FTO: variants seen among roughly 807,000 people sequenced by gnomAD.
The protein encoded by FTO is alpha-ketoglutarate-dependent dioxygenase FTO.
Under a neutral mutation model 63.9 loss-of-function variants are expected in FTO, and 47 were observed. That is an observed-to-expected ratio of 0.74 (90% CI 0.58 to 0.94). The LOEUF is 0.94. Among genes scored for constraint, FTO ranks in the 40% least tolerant of loss-of-function variants. The probability of loss-of-function intolerance (pLI) is 0.00; values close to 1 mark genes in which losing one functional copy is unlikely to be tolerated. For missense variants in FTO, 562 were observed against 618.1 expected (o/e 0.91, Z 0.96); for synonymous variants, 207 against 224.4 (o/e 0.92, Z 0.69).
At chr16:53,959,734 C>G (rs778376283) in intron 8 of FTO, among the ~76,000 whole-genome samples, 5 of 151,936 alleles carry the variant, frequency 3.3e-5, no homozygotes, top group Non-Finnish European at 7.4e-5. Flanking sequence ...TCAAACTACC[C>G]CAGCCTAATT....
At chr16:54,033,715 G>C (rs1599243994) in intron 8 of FTO, among the ~76,000 whole-genome samples, 1 of 152,156 alleles carries the variant, frequency 6.6e-6, no homozygotes, top group Non-Finnish European at 1.5e-5. Context: ...TATATGGGAG[G>C]CTGAGGTAGG....
chr16:54,041,311 G>C (rs1382653353), intron 8 of FTO, among the ~76,000 whole-genome samples: 1 of 152,078 alleles, frequency 6.6e-6, no homozygotes, highest in Admixed American at 6.5e-5. Flanking sequence ...ATCAGATCTC[G>C]TGAGAACTCC....
At chr16:54,005,917 A>G (rs1413227315) in intron 8 of FTO, among the ~76,000 whole-genome samples, 1 of 152,184 alleles carries the variant, frequency 6.6e-6, no homozygotes, top group East Asian at 1.9e-4. Flanking sequence ...AGTATCCTAG[A>G]AATGTTTTTT....
At chr16:54,110,143 G>A (rs2086848937) in intron 8 of FTO, among the ~76,000 whole-genome samples, 1 of 152,118 alleles carries the variant, frequency 6.6e-6, no homozygotes, top group Non-Finnish European at 1.5e-5. Context: ...TCAGAACAAC[G>A]ACAGCAAGCG....
chr16:54,112,039 A>C lies in FTO; in HGVS notation c.*124A>C, dbSNP rs772336830. 4.1e-6 allele frequency: 4 copies of C among 967,252 alleles called. No individual in the cohort carries two copies. Among genetic ancestry groups the C allele is most frequent in the Non-Finnish European group, 6.6e-6 (4 of 605,650 alleles). The allele number at this position is 967,252 out of a possible 1,614,324, so 59.9% of individuals were successfully genotyped here. ...CCCTAGATTGTAGCACCCGGGTCCC[A>C]ATCCAAAACAGCTAGGAAATGGTGC... is the stretch of plus-strand genomic sequence containing the variant. On this transcript the variant is annotated 3_prime_UTR_variant, in exon 9 of 9. Transcript: ENST00000471389.
intron 1 of FTO, among the ~76,000 whole-genome samples, chr16:53,728,764 CTTTTTTT>C (rs368270837): frequency 1.5e-5 from 2 of 133,914 alleles, no homozygotes; most frequent in African/African-American, 5.6e-5. Context: ...GACCATACTT[CTTTTTTT>C]TTTTTTTTTG....
chr16:54,012,358 T>G (rs1215128847), intron 8 of FTO, among the ~76,000 whole-genome samples: 1 of 152,102 alleles, frequency 6.6e-6, no homozygotes, highest in Non-Finnish European at 1.5e-5. Flanking sequence ...AGAAGAAAAG[T>G]TGAAAGGTAG....
At chr16:53,711,696 C>G (rs954957351) in intron 1 of FTO, among the ~76,000 whole-genome samples, 11 of 152,128 alleles carry the variant, frequency 7.2e-5, no homozygotes, top group African/African-American at 2.7e-4. Context: ...GACTCTTATG[C>G]TGGCTTAGGT....
At chr16:53,707,778 T>C (rs369348516) in intron 1 of FTO, among the ~76,000 whole-genome samples, 2 of 152,354 alleles carry the variant, frequency 1.3e-5, no homozygotes, top group African/African-American at 4.8e-5. Context: ...TAGGACTCAA[T>C]GGTTGGTAGC....
intron 1 of FTO, among the ~76,000 whole-genome samples, chr16:53,799,753 C>T (rs1054605609): frequency 5.9e-5 from 9 of 152,130 alleles, no homozygotes; most frequent in Non-Finnish European, 1.3e-4. Context: ...GGTACATGCC[C>T]GGTTTAGCCT....
chr16:53,991,560 A>T (rs1011601436), intron 8 of FTO: 2 of 152,188 alleles, frequency 1.3e-5, no homozygotes, highest in Non-Finnish European at 2.9e-5. Flanking sequence ...AACAGCTTTA[A>T]CACAATTTTT....
intron 1 of FTO, among the ~76,000 whole-genome samples, chr16:53,731,783 T>C: frequency 6.7e-6 from 1 of 148,958 alleles, no homozygotes; most frequent in Non-Finnish European, 1.5e-5. Flanking sequence ...AGTCTCCCTC[T>C]TTTGCCCAGG....
At position 53,867,527 on chromosome 16, in the gene FTO, GTT is replaced by G. The variant is rs1491394367; in HGVS notation, c.896-6257_896-6256del. Among the ~76,000 whole-genome samples the G allele has an allele frequency of 9.1e-4, 137 of 149,966 alleles. 1 individual carries two copies. Among genetic ancestry groups the G allele is most frequent in the Non-Finnish European group, 1.6e-3 (109 of 67,434 alleles). ...TGTGTGTGTGTGTGTGTGTGTGTGTGTTTGTGTGTACCTATGTATGCTTATTT... is the reference window on the plus strand; with the variant it reads ...TGTGTGTGTGTGTGTGTGTGTGTGTGTGTGTGTACCTATGTATGCTTATTT... On this transcript the variant is annotated intron_variant, in intron 4 of 8. Transcript: ENST00000471389.
At chr16:53,877,585 G>C (rs1287182197) in intron 5 of FTO, among the ~76,000 whole-genome samples, 2 of 152,026 alleles carry the variant, frequency 1.3e-5, no homozygotes, top group African/African-American at 2.4e-5. Flanking sequence ...AATGGCACAG[G>C]GTTTCTTTTT....
At chr16:53,892,956 T>G (rs1249484311) in intron 7 of FTO, among the ~76,000 whole-genome samples, 1 of 152,190 alleles carries the variant, frequency 6.6e-6, no homozygotes, top group Non-Finnish European at 1.5e-5. Context: ...GTCAGCTGTC[T>G]CTAAAACTCC....
intron 8 of FTO, among the ~76,000 whole-genome samples, chr16:53,986,218 A>C (rs1477177060): frequency 1.3e-5 from 2 of 152,218 alleles, no homozygotes; most frequent in African/African-American, 4.8e-5. Context: ...ATGACCACCA[A>C]ACGCCTGAAA....
intron 1 of FTO, among the ~76,000 whole-genome samples, chr16:53,807,050 T>C (rs1319597580): frequency 6.6e-6 from 1 of 152,234 alleles, no homozygotes; most frequent in East Asian, 1.9e-4. Flanking sequence ...GAGCTACCAA[T>C]TTACTATTGA....
At chr16:53,820,843 G>A (rs2151762054) in intron 2 of FTO, among the ~76,000 whole-genome samples, 1 of 152,318 alleles carries the variant, frequency 6.6e-6, no homozygotes, top group East Asian at 1.9e-4. Context: ...CCATCCAGGT[G>A]TGGAGTTGGG....
At chr16:53,842,076 A>G (rs1031589897) in intron 3 of FTO, among the ~76,000 whole-genome samples, 9 of 152,202 alleles carry the variant, frequency 5.9e-5, no homozygotes, top group African/African-American at 2.2e-4. Context: ...ATCTAGCACA[A>G]GGACTGTGAA....
Sources: gnomAD v4.1 joint callset for allele counts (sites outside exome capture counted in the v4.1 genomes callset) on GRCh38, gnomAD v4.1.1 for gene constraint, MANE v1.5 for transcripts, NCBI Gene and HGNC (gene_info 2026-07-23, HGNC 2026-07-21) for gene names.